The following RBFOX1 variants were observed in gnomAD, a reference collection of about 807,000 sequenced individuals.
The protein encoded by RBFOX1 is RNA binding protein fox-1 homolog 1.
A neutral mutation model predicts 57.7 loss-of-function variants in RBFOX1; 8 were observed. The ratio of observed to expected loss-of-function variants is 0.14; its 90% CI spans 0.08 to 0.25. The LOEUF (loss-of-function observed/expected upper bound fraction) is 0.25, where lower values mean the gene tolerates loss of function less well. Ranked by LOEUF, RBFOX1 falls within the 10% of genes least tolerant of loss-of-function variation. RBFOX1 has a pLI of 1.00. For missense variants in RBFOX1, 611 were observed against 548.5 expected (o/e 1.11, Z -1.14); for synonymous variants, 326 against 222.4 (o/e 1.47, Z -4.15).
At chr16:7,432,494 TTCTTG>T (rs1179720314) in intron 4 of RBFOX1, among the ~76,000 whole-genome samples, 2 of 152,178 alleles carry the variant, frequency 1.3e-5, no homozygotes, top group African/African-American at 4.8e-5. Context: ...GACATAGGAT[TTCTTG>T]TCTTAACAAC....
intron 3 of RBFOX1, among the ~76,000 whole-genome samples, chr16:5,672,632 C>T (rs978107710): frequency 1.1e-4 from 17 of 152,158 alleles, no homozygotes; most frequent in African/African-American, 3.6e-4. Context: ...AAAGGCAGAG[C>T]AGTGGGAGAT....
intron 5 of RBFOX1, among the ~76,000 whole-genome samples, chr16:7,557,647 A>G (rs974454764): frequency 3.1e-5 from 3 of 97,294 alleles, no homozygotes; most frequent in East Asian, 2.0e-4. Context: ...AAAAAAGAAA[A>G]AGAAAAAAAA....
At chr16:6,641,316 A>G (rs2098485736) in intron 2 of RBFOX1, among the ~76,000 whole-genome samples, 2 of 152,278 alleles carry the variant, frequency 1.3e-5, no homozygotes, top group South Asian at 4.1e-4. Flanking sequence ...CGGTTCAACC[A>G]AGGCGTTCAC....
At chr16:5,879,701 C>G (rs2057714767) in intron 4 of RBFOX1, among the ~76,000 whole-genome samples, 1 of 152,172 alleles carries the variant, frequency 6.6e-6, no homozygotes. Context: ...ACCATGAAAT[C>G]TCAATGGCCT....
chr16:7,277,015 A>G (rs905426562), intron 4 of RBFOX1, among the ~76,000 whole-genome samples: 6 of 152,224 alleles, frequency 3.9e-5, no homozygotes, highest in Non-Finnish European at 7.4e-5. Flanking sequence ...GTCTTTTTCA[A>G]GTTATTTTTA....
intron 4 of RBFOX1, among the ~76,000 whole-genome samples, chr16:7,247,064 T>TG: frequency 6.6e-6 from 1 of 152,270 alleles, no homozygotes; most frequent in Middle Eastern, 3.4e-3. Context: ...TGTAGTACAA[T>TG]GGGGTCCTTG....
At position 7,430,305 on chromosome 16, in the gene RBFOX1, C is replaced by G. The variant is rs995889993; in HGVS notation, c.28-87842C>G. Among the ~76,000 whole-genome samples, 4 of 152,116 alleles carry G rather than the reference C, an allele frequency of 2.6e-5. 1 individual carries two copies. The highest frequency in any genetic ancestry group is 4.4e-5 in the Non-Finnish European group (3 of 68,024). Reference sequence around the variant, plus strand: ...TGGTGGTTTATGCAATTCCCAAAAGCAAAGCTGCAGCATCTTACTGCTGAT... The same window carrying G: ...TGGTGGTTTATGCAATTCCCAAAAGGAAAGCTGCAGCATCTTACTGCTGAT... On this transcript the variant is annotated intron_variant, in intron 4 of 15. Coordinates refer to ENST00000550418, the MANE Select transcript of RBFOX1 (RefSeq NM_018723.4).
chr16:7,325,457 T>A (rs531263668), intron 4 of RBFOX1, among the ~76,000 whole-genome samples: 200 of 152,260 alleles, frequency 1.3e-3, no homozygotes, highest in African/African-American at 4.7e-3. Flanking sequence ...TGCCAGGAGG[T>A]GAGAGAATGT....
At chr16:5,636,676 G>C (rs894376446) in intron 3 of RBFOX1, among the ~76,000 whole-genome samples, 3 of 152,174 alleles carry the variant, frequency 2.0e-5, no homozygotes, top group Non-Finnish European at 2.9e-5. Flanking sequence ...AAAATTCTTG[G>C]TAGACCTGAG....
chr16:6,559,593 T>G (rs1172033076), intron 2 of RBFOX1, among the ~76,000 whole-genome samples: 1 of 150,178 alleles, frequency 6.7e-6, no homozygotes, highest in African/African-American at 2.4e-5. Flanking sequence ...ATAGGACGTG[T>G]GGGTGTATGT....
At chr16:7,040,691 T>C (rs1484135551) in intron 3 of RBFOX1, among the ~76,000 whole-genome samples, 1 of 152,220 alleles carries the variant, frequency 6.6e-6, no homozygotes, top group African/African-American at 2.4e-5. Context: ...CTTGTGTGTG[T>C]GCATAGTTTT....
intron 4 of RBFOX1, among the ~76,000 whole-genome samples, chr16:7,233,629 C>G (rs903184203): frequency 2.0e-5 from 3 of 152,148 alleles, no homozygotes; most frequent in African/African-American, 7.2e-5. Flanking sequence ...TTGTGGACAT[C>G]CGATTGTTTC....
At chr16:7,024,856 G>C (rs1452425023) in intron 3 of RBFOX1, among the ~76,000 whole-genome samples, 1 of 152,142 alleles carries the variant, frequency 6.6e-6, no homozygotes. Flanking sequence ...GTGTCACGTG[G>C]CTCACAGAAA....
chr16:6,054,409 A>G (rs934842981), intron 1 of RBFOX1, among the ~76,000 whole-genome samples: 2 of 152,202 alleles, frequency 1.3e-5, no homozygotes, highest in African/African-American at 4.8e-5. Context: ...TGATTTAAAC[A>G]CATTTTGTTG....
intron 1 of RBFOX1, among the ~76,000 whole-genome samples, chr16:5,332,220 C>G (rs1334829970): frequency 2.0e-5 from 3 of 152,138 alleles, no homozygotes; most frequent in Non-Finnish European, 4.4e-5. Context: ...TAACAGTTAG[C>G]TTTTTACCCA....
chr16:6,956,272 G>T (rs2081820987), intron 3 of RBFOX1, among the ~76,000 whole-genome samples: 1 of 152,164 alleles, frequency 6.6e-6, no homozygotes, highest in Admixed American at 6.6e-5. Context: ...AAAGAGCTGG[G>T]TGAAGAGAGT....
chr16:6,158,787 G>A (rs528886490), intron 1 of RBFOX1, among the ~76,000 whole-genome samples: 1 of 152,294 alleles, frequency 6.6e-6, no homozygotes, highest in Admixed American at 6.5e-5. Flanking sequence ...ATTGCTCTGG[G>A]AAACTGGGGA....
At chr16:7,041,045 A>T (rs1410697481) in intron 3 of RBFOX1, among the ~76,000 whole-genome samples, 2 of 147,730 alleles carry the variant, frequency 1.4e-5, no homozygotes, top group South Asian at 4.2e-4. Flanking sequence ...CCCCCTGAGT[A>T]GCTGGGATTA....
At chr16:7,469,159 C>G (rs534404853) in intron 4 of RBFOX1, among the ~76,000 whole-genome samples, 1 of 152,238 alleles carries the variant, frequency 6.6e-6, no homozygotes, top group Middle Eastern at 3.4e-3. Flanking sequence ...TGGTCTCAAT[C>G]TCCTGACCTC....
Sources: gnomAD v4.1 joint callset for allele counts (sites outside exome capture counted in the v4.1 genomes callset) on GRCh38, gnomAD v4.1.1 for gene constraint, MANE v1.5 for transcripts, NCBI Gene and HGNC (gene_info 2026-07-23, HGNC 2026-07-21) for gene names.